Variants in RYR2 observed in about 807,000 individuals in gnomAD.
RYR2 encodes the protein ryanodine receptor 2, also known as cardiac muscle ryanodine receptor-calcium release channel.
A neutral mutation model predicts 601.1 loss-of-function variants in RYR2; 227 were observed. The observed-to-expected ratio is 0.38, with a 90% confidence interval of 0.34 to 0.42. The LOEUF is 0.42. RYR2 is among the 10% of genes least tolerant of loss of function. The pLI, the probability that RYR2 is intolerant of heterozygous loss-of-function variation, is 1.00. For missense variants in RYR2, 4,646 were observed against 6,156.5 expected (o/e 0.75, Z 8.21); for synonymous variants, 2,223 against 2,175.1 (o/e 1.02, Z -0.61).
intron 24 of RYR2, among the ~76,000 whole-genome samples, chr1:237,529,713 G>A (rs1667929579): frequency 1.3e-5 from 2 of 148,340 alleles, no homozygotes; most frequent in Non-Finnish European, 3.0e-5. Context: ...GTCTCAAAAT[G>A]TCTCCTGTAT....
At position 237,792,390 on chromosome 1, in the gene RYR2, TGTGTGTGC is replaced by T. The variant is rs1558425892; in HGVS notation, c.13782+75_13782+82del. The T allele has an allele frequency of 1.9e-4, 144 of 767,674 alleles. 2 individuals carry two copies. In the African/African-American group the frequency reaches 3.2e-3, roughly 17 times the overall value. The allele number at this position is 767,674 out of a possible 1,614,324, so 47.6% of individuals were successfully genotyped here. A position where few individuals can be genotyped will look rare whatever the true frequency, so the allele number is the denominator to read the frequency against. On this transcript the variant is annotated intron_variant, in intron 94 of 104. Coordinates refer to ENST00000366574, the MANE Select transcript of RYR2 (RefSeq NM_001035.3). Reference sequence around the variant, plus strand: ...GTGTGTGTGTGTGTGTGCGTGTGTGTGTGTGTGCGTGTGTGTGTGTGTGTGTGTGTGTG... The same window carrying T: ...GTGTGTGTGTGTGTGTGCGTGTGTGTGTGTGTGTGTGTGTGTGTGTGTGTG...
In RYR2 at chr1:237,497,110, G is replaced by A. The variant is rs190326147; in HGVS notation, c.2203+358G>A. ...AACTTGTGAGTTTTCTGCTTTAATTGGTATGTTTAAAGCTTTAGTTGCCAA... is the reference window on the plus strand; with the variant it reads ...AACTTGTGAGTTTTCTGCTTTAATTAGTATGTTTAAAGCTTTAGTTGCCAA... On this transcript the variant is annotated intron_variant, in intron 20 of 104. Coordinates refer to ENST00000366574, the MANE Select transcript of RYR2 (RefSeq NM_001035.3). Among the ~76,000 whole-genome samples the A allele has an allele frequency of 3.3e-5, 5 of 152,204 alleles. No individual in the cohort carries two copies. In the East Asian group the frequency reaches 7.7e-4, roughly 24 times the overall value.
In RYR2 at chr1:237,522,052, G is replaced by C. The variant is rs931415753; in HGVS notation, c.2823-8375G>C. On this transcript the variant is annotated intron_variant, in intron 24 of 104. Transcript: ENST00000366574. ...GGTTAAATATGTATACATGTGCCATGTTGGTGTGCTGCACCCATTAACTCG... is the reference window on the plus strand; with the variant it reads ...GGTTAAATATGTATACATGTGCCATCTTGGTGTGCTGCACCCATTAACTCG... Among the ~76,000 whole-genome samples the C allele has an allele frequency of 1.3e-5, 2 of 152,106 alleles. 1 individual carries two copies. The highest frequency in any genetic ancestry group is 2.9e-5 in the Non-Finnish European group (2 of 68,042).
intron 1 of RYR2, among the ~76,000 whole-genome samples, chr1:237,257,508 A>G (rs966752903): frequency 6.6e-5 from 10 of 152,204 alleles, no homozygotes; most frequent in African/African-American, 2.4e-4. Flanking sequence ...AATGTAATCA[A>G]TGGTAGCTTC....
chr1:237,706,959 G>T lies in RYR2; in HGVS notation c.9591G>T (p.Leu3197Phe). The T allele has an allele frequency of 6.2e-7, 1 of 1,611,296 alleles. No homozygotes were observed. The highest frequency in any genetic ancestry group is 8.5e-7 in the Non-Finnish European group (1 of 1,177,538). ...TATGTACTTCTCCAGCTCTCAGTTT[G>T]CCAACTAATGTGGAAGATGTTTGTC... ...KSSRERAALS[L>F]PTNVEDVCPN... The change falls in exon 68 of 105, where the codon TTG becomes TTT. Residue 3197 changes from leucine to phenylalanine, a missense_variant. Leu to Phe is a conservative substitution (Grantham distance 22). Coordinates refer to ENST00000366574, the MANE Select transcript of RYR2 (RefSeq NM_001035.3).
chr1:237,244,412 G>T (rs979679142), intron 1 of RYR2, among the ~76,000 whole-genome samples: 2 of 152,046 alleles, frequency 1.3e-5, no homozygotes, highest in African/African-American at 4.8e-5. Context: ...CAGAATGGCG[G>T]CTCCATCTGC....
chr1:237,451,895 G>A (rs1658170568), intron 14 of RYR2, among the ~76,000 whole-genome samples: 2 of 150,518 alleles, frequency 1.3e-5, no homozygotes, highest in Admixed American at 6.7e-5. Flanking sequence ...TTAATCATTT[G>A]TGTTTTTCTT....
At chr1:237,773,476 T>G in intron 86 of RYR2, 44 bp from the exon 87 acceptor site, 1 of 1,465,594 alleles carries the variant, frequency 6.8e-7, no homozygotes, top group Non-Finnish European at 9.5e-7. Context: ...ATGGTAACTT[T>G]AGAATGTGAC....
intron 2 of RYR2, among the ~76,000 whole-genome samples, chr1:237,329,472 T>C (rs1379997491): frequency 2.0e-5 from 3 of 151,946 alleles, no homozygotes; most frequent in Non-Finnish European, 4.4e-5. Flanking sequence ...GAAACCCCCA[T>C]CTGTATTAAA....
chr1:237,331,582 A>G (rs1403082812), intron 3 of RYR2, among the ~76,000 whole-genome samples: 1 of 151,702 alleles, frequency 6.6e-6, no homozygotes, highest in African/African-American at 2.4e-5. Flanking sequence ...AGCTCACTGC[A>G]AGCTCTGCCT....
intron 66 of RYR2, among the ~76,000 whole-genome samples, chr1:237,704,556 C>G (rs572338661): frequency 6.6e-6 from 1 of 152,070 alleles, no homozygotes; most frequent in South Asian, 2.1e-4. Context: ...TTCAAACCCT[C>G]TAATTCCTTC....
At chr1:237,350,593 A>G (rs1698708564) in intron 3 of RYR2, among the ~76,000 whole-genome samples, 1 of 96,518 alleles carries the variant, frequency 1.0e-5, no homozygotes, top group African/African-American at 4.2e-5. Context: ...AAAAAAAAAA[A>G]AAAAAAAAAA....
At chr1:237,238,680 C>T (rs953581676) in intron 1 of RYR2, among the ~76,000 whole-genome samples, 2 of 152,208 alleles carry the variant, frequency 1.3e-5, no homozygotes, top group African/African-American at 4.8e-5. Flanking sequence ...ACTGGTCGTA[C>T]TGGAGTTCTC....
At chr1:237,119,470 G>A (rs981307689) in intron 1 of RYR2, among the ~76,000 whole-genome samples, 5 of 152,258 alleles carry the variant, frequency 3.3e-5, no homozygotes, top group South Asian at 4.1e-4. Context: ...GTGCACCTGC[G>A]CCAGCATCTG....
intron 1 of RYR2, among the ~76,000 whole-genome samples, chr1:237,200,691 G>C (rs1681095258): frequency 6.6e-6 from 1 of 152,182 alleles, no homozygotes; most frequent in Non-Finnish European, 1.5e-5. Flanking sequence ...TGAGCAAATT[G>C]ATACTTTGGG....
chr1:237,771,968 G>T, intron 85 of RYR2, 44 bp from the exon 86 acceptor site: 3 of 1,146,124 alleles, frequency 2.6e-6, no homozygotes, highest in South Asian at 2.7e-5. Context: ...GACTCAACTT[G>T]AACTTCTGAG....
Position 237,715,895 on chromosome 1 carries a change from G to A in RYR2, c.10324-1303G>A, listed in dbSNP as rs148851594. ...AGTTATGTTGTCCTTTGAACAAAGA[G>A]CCCATTTTAAATGATCCATTTTTTA... On this transcript the variant is annotated intron_variant, in intron 71 of 104. Transcript: ENST00000366574. Among the ~76,000 whole-genome samples, 536 of 152,124 alleles carry A rather than the reference G, an allele frequency of 3.5e-3. 2 individuals are homozygous for A. Among genetic ancestry groups the A allele is most frequent in the African/African-American group, 0.012 (504 of 41,510 alleles).
chr1:237,231,190 C>T (rs991694819), intron 1 of RYR2, among the ~76,000 whole-genome samples: 2 of 152,050 alleles, frequency 1.3e-5, no homozygotes, highest in Non-Finnish European at 2.9e-5. Context: ...CAGTTAAATG[C>T]CTTGCTGAAT....
intron 101 of RYR2, among the ~76,000 whole-genome samples, chr1:237,823,458 A>G (rs1180193297): frequency 6.6e-6 from 1 of 152,220 alleles, no homozygotes; most frequent in Non-Finnish European, 1.5e-5. Flanking sequence ...TAAGGCAGAA[A>G]TAAAGATGTT....
Sources: gnomAD v4.1 joint callset for allele counts (sites outside exome capture counted in the v4.1 genomes callset) on GRCh38, gnomAD v4.1.1 for gene constraint, MANE v1.5 for transcripts, NCBI Gene and HGNC (gene_info 2026-07-23, HGNC 2026-07-21) for gene names.